Variants in CYFIP1 observed in about 807,000 individuals in gnomAD.
CYFIP1 encodes the protein cytoplasmic FMR1-interacting protein 1.
CYFIP1 carries 58 observed loss-of-function variants against 163.5 expected under a neutral mutation model. The ratio of observed to expected loss-of-function variants is 0.35; its 90% CI spans 0.29 to 0.44. CYFIP1 has a LOEUF of 0.44. Among genes scored for constraint, CYFIP1 ranks in the 20% least tolerant of loss-of-function variants. The pLI, the probability that CYFIP1 is intolerant of heterozygous loss-of-function variation, is 1.00. For synonymous variants in CYFIP1, 663 were observed against 660.7 expected, an observed-to-expected ratio of 1.00 and a Z score of -0.05; for missense variants, 1,338 against 1,653.8, an observed-to-expected ratio of 0.81 and a Z score of 3.31.
rs1172547976 is a variant in CYFIP1 at position 22,910,589 on chromosome 15, A to G, written c.2199T>C (p.Asn733=). 6.2e-7 allele frequency: 1 copy of G among 1,614,180 alleles called. No homozygotes were observed. Residue 733 remains asparagine (N), a synonymous_variant, in exon 20 of 31, where the codon AAT becomes AAC. Transcript: ENST00000617928. ...GCGGGAGGTGGATCGTGGCTCCCTGATTCTTGCATTCTGATCGTAACCGTT... is the reference window on the plus strand; with the variant it reads ...GCGGGAGGTGGATCGTGGCTCCCTGGTTCTTGCATTCTGATCGTAACCGTT... ...LDKRLRSECK[N]QGATIHLPPS... is the part of the protein sequence containing the mutation.
intron 9 of CYFIP1, 103 bp downstream of exon 9, chr15:22,937,001 A>G (rs1472935824): frequency 3.9e-6 from 3 of 772,528 alleles, no homozygotes; most frequent in Non-Finnish European, 6.6e-6. Context: ...ACCCAGCCCC[A>G]GCGTTTCCTG....
At chr15:22,896,239 T>C (rs574932241) in intron 22 of CYFIP1, among the ~76,000 whole-genome samples, 2 of 152,264 alleles carry the variant, frequency 1.3e-5, no homozygotes, top group African/African-American at 2.4e-5. Context: ...CCACTGCACG[T>C]TGCCTCGGGT....
At position 22,867,705 on chromosome 15, in the gene CYFIP1, T is replaced by TAA. The variant is rs998848199; in HGVS notation, c.*2321_*2322dup. On this transcript the variant is annotated 3_prime_UTR_variant, in exon 31 of 31. Transcript: ENST00000617928. The stretch of plus-strand genomic sequence containing the variant: ...TTCTTAAATTTAGCTCATGTTATAA[T>TAA]AAAAAGTTGAAATGAAGTTCTTATT... 2 of 152,344 alleles carry TAA rather than the reference T, an allele frequency of 1.3e-5. No individual in the cohort carries two copies. The highest frequency in any genetic ancestry group is 2.9e-5 in the Non-Finnish European group (2 of 68,158). The allele number at this position is 152,344 out of a possible 1,614,324, so 9.4% of individuals were successfully genotyped here. A position where few individuals can be genotyped will look rare whatever the true frequency, so the allele number is the denominator to read the frequency against.
chr15:22,947,169 C>G lies in CYFIP1; in HGVS notation c.117G>C (p.Gln39His), dbSNP rs1185795644. 2 of 1,614,126 alleles carry G rather than the reference C, an allele frequency of 1.2e-6. No individual in the cohort carries two copies. Among genetic ancestry groups the G allele is most frequent in the Admixed American group, 3.3e-5 (2 of 60,030 alleles). Reference sequence around the variant, plus strand: ...CGCCCTGCAGCTGCTGGGCACCCACCTGGTAGAGCAGCGAGGATGGCGGGG... The same window carrying G: ...CGCCCTGCAGCTGCTGGGCACCCACGTGGTAGAGCAGCGAGGATGGCGGGG... ...IEPPPSSLLY[Q>H]PNFNTNFEDR... The change falls in exon 2 of 31, where the codon CAG becomes CAC. Residue 39 changes from glutamine (Q) to histidine (H), a missense_variant and splice_region_variant. Coordinates refer to ENST00000617928, the MANE Select transcript of CYFIP1 (RefSeq NM_014608.6).
chr15:22,904,045 C>G, intron 21 of CYFIP1, 140 bp from the exon 22 acceptor site: 1 of 741,756 alleles, frequency 1.3e-6, no homozygotes, highest in Non-Finnish European at 2.2e-6. Context: ...TAGGCTCTGA[C>G]AGGTGACATG....
intron 23 of CYFIP1, among the ~76,000 whole-genome samples, chr15:22,883,283 A>G (rs1458252039): frequency 6.6e-6 from 1 of 152,218 alleles, no homozygotes; most frequent in Non-Finnish European, 1.5e-5. Flanking sequence ...TTTGAAGTCT[A>G]GAATGAGAAA....
intron 1 of CYFIP1, among the ~76,000 whole-genome samples, chr15:22,968,093 G>A (rs1459359754): frequency 2.6e-5 from 4 of 151,984 alleles, no homozygotes; most frequent in East Asian, 1.9e-4. Context: ...CCAAGATAGC[G>A]CCACTGCACT....
At chr15:22,879,855 G>A (rs1261741105) in intron 26 of CYFIP1, 58 bp downstream of exon 26, 95 of 1,302,368 alleles carry the variant, frequency 7.3e-5, no homozygotes, top group South Asian at 3.2e-4. Flanking sequence ...TCCCCTGGCC[G>A]GTGGGGTGGG....
intron 20 of CYFIP1, among the ~76,000 whole-genome samples, chr15:22,909,716 A>AC (rs1234353873): frequency 6.6e-6 from 1 of 152,010 alleles, no homozygotes; most frequent in African/African-American, 2.4e-5. Context: ...CATCACTTTT[A>AC]ATTTTTAATT....
At chr15:22,979,883 C>T (rs1309797220) in intron 1 of CYFIP1, among the ~76,000 whole-genome samples, 3 of 152,222 alleles carry the variant, frequency 2.0e-5, no homozygotes, top group South Asian at 2.1e-4. Context: ...CTGCTCCTTA[C>T]TTTCCAACAA....
intron 22 of CYFIP1, among the ~76,000 whole-genome samples, chr15:22,894,091 T>C (rs890056452): frequency 6.6e-6 from 1 of 151,782 alleles, no homozygotes; most frequent in African/African-American, 2.4e-5. Context: ...CACGGCACAC[T>C]CATCAACCTC....
At chr15:22,905,670 C>T (rs1352062327) in intron 21 of CYFIP1, among the ~76,000 whole-genome samples, 2 of 151,674 alleles carry the variant, frequency 1.3e-5, no homozygotes, top group South Asian at 4.2e-4. Flanking sequence ...GATCTCCTGA[C>T]CTCGTGATCC....
At position 22,873,639 on chromosome 15, in the gene CYFIP1, G is replaced by A. The variant is rs1168485946; in HGVS notation, c.3301C>T (p.Arg1101Trp). 8 of 1,614,236 alleles carry A rather than the reference G, an allele frequency of 5.0e-6. No individual in the cohort carries two copies. Among genetic ancestry groups the A allele is most frequent in the African/African-American group, 2.7e-5 (2 of 75,068 alleles). ...SMFEVILTRI[R>W]SFLDDPIWRG... ...CAGATGGGGTCATCCAGAAAGCTCCGGATCCGTGTCAGGATGACCTCAAAC... is the reference window on the plus strand; with the variant it reads ...CAGATGGGGTCATCCAGAAAGCTCCAGATCCGTGTCAGGATGACCTCAAAC... Residue 1101 changes from arginine (R) to tryptophan (W), a missense_variant, in exon 29 of 31, where the codon CGG (arginine) becomes TGG (tryptophan). Arg to Trp is a moderately radical substitution (Grantham distance 101). Coordinates refer to ENST00000617928, the MANE Select transcript of CYFIP1 (RefSeq NM_014608.6).
At chr15:22,899,412 C>A (rs148452412) in intron 22 of CYFIP1, among the ~76,000 whole-genome samples, 1 of 152,142 alleles carries the variant, frequency 6.6e-6, no homozygotes, top group African/African-American at 2.4e-5. Flanking sequence ...AATTATAACT[C>A]CCATAATTCC....
rs528443388 is a variant in CYFIP1, at chr15:22,891,374, G to A, written c.2676+1516C>T. On this transcript the variant is annotated intron_variant, in intron 23 of 30. Coordinates refer to ENST00000617928, the MANE Select transcript of CYFIP1 (RefSeq NM_014608.6). ...CAGGAGGCGGAGGCTGCAGTGAGCC[G>A]AGATCATGCCACTGCCCTCCAGCCT... is the stretch of plus-strand genomic sequence containing the variant. 7.2e-5 allele frequency among the ~76,000 whole-genome samples: 11 copies of A among 152,282 alleles called. No individual in the cohort carries two copies. In the South Asian group the frequency reaches 2.1e-3, roughly 29 times the overall value.
chr15:22,936,848 T>C (rs943612438), intron 9 of CYFIP1, among the ~76,000 whole-genome samples: 1 of 152,142 alleles, frequency 6.6e-6, no homozygotes, highest in Non-Finnish European at 1.5e-5. Flanking sequence ...AAGAGGCTGG[T>C]GACAGCAGCT....
chr15:22,939,906 T>C (rs551454798), intron 6 of CYFIP1, among the ~76,000 whole-genome samples: 51 of 152,174 alleles, frequency 3.4e-4, no homozygotes, highest in Non-Finnish European at 7.2e-4. Context: ...AGCCCTGCCA[T>C]GAAGCCGGCC....
At position 22,975,938 on chromosome 15, in the gene CYFIP1, T is replaced by A. The variant is rs933302819; in HGVS notation, c.-7+4349A>T. Among the ~76,000 whole-genome samples, 3 of 152,146 alleles carry A rather than the reference T, an allele frequency of 2.0e-5. No homozygotes were observed. The East Asian group carries it at 5.8e-4, about 29-fold the overall frequency. ...TGTTTTTAAAGCATGCTAATATTTT[T>A]AAATTGGAATTGGGTTAAATTTATA... On this transcript the variant is annotated intron_variant, in intron 1 of 30. Coordinates refer to ENST00000617928, the MANE Select transcript of CYFIP1 (RefSeq NM_014608.6).
intron 23 of CYFIP1, among the ~76,000 whole-genome samples, chr15:22,885,987 G>A (rs1309231440): frequency 2.0e-5 from 3 of 152,132 alleles, no homozygotes; most frequent in African/African-American, 7.2e-5. Context: ...AAAGGAAAGA[G>A]GTTTAACTGA....
Sources: allele counts gnomAD v4.1 joint callset (sites outside exome capture counted in the v4.1 genomes callset), GRCh38; gene constraint gnomAD v4.1.1; transcripts MANE v1.5; gene names NCBI Gene and HGNC (gene_info 2026-07-23, HGNC 2026-07-21).